The following GNAI1 variants were observed in gnomAD, a reference collection of about 807,000 sequenced individuals.
The protein encoded by GNAI1 is guanine nucleotide-binding protein G(i) subunit alpha-1.
GNAI1 carries 11 observed loss-of-function variants against 38.9 expected under a neutral mutation model. The ratio of observed to expected loss-of-function variants is 0.28; its 90% CI spans 0.18 to 0.47. The LOEUF (loss-of-function observed/expected upper bound fraction) is 0.47. GNAI1 is among the 20% of genes least tolerant of loss of function. The pLI is 0.99. For missense variants in GNAI1, 317 were observed against 436.9 expected (o/e 0.73, Z 2.45); for synonymous variants, 166 against 145.1 (o/e 1.14, Z -1.04).
At chr7:80,192,897 C>T (rs1363953526) in intron 3 of GNAI1, among the ~76,000 whole-genome samples, 1 of 151,988 alleles carries the variant, frequency 6.6e-6, no homozygotes, top group Non-Finnish European at 1.5e-5. Flanking sequence ...CGGGGTTTCA[C>T]CTTGTTGGCC....
At chr7:80,155,743 A>G (rs563818259) in intron 1 of GNAI1, among the ~76,000 whole-genome samples, 32 of 151,814 alleles carry the variant, frequency 2.1e-4, no homozygotes, top group African/African-American at 7.7e-4. Context: ...AAAAAAAAAT[A>G]CAGTGTGTTA....
At chr7:80,196,198 A>G (rs192182408) in intron 3 of GNAI1, among the ~76,000 whole-genome samples, 2 of 152,130 alleles carry the variant, frequency 1.3e-5, no homozygotes, top group African/African-American at 2.4e-5. Flanking sequence ...ATGAACTGGA[A>G]TTTACTTTCT....
At position 80,217,707 on chromosome 7, in the gene GNAI1, A is replaced by G. The variant is rs904237111; in HGVS notation, c.*214A>G. The G allele has an allele frequency of 1.7e-5, 6 of 343,730 alleles. No homozygotes were observed. The highest frequency in any genetic ancestry group is 2.6e-5 in the Non-Finnish European group (5 of 190,634). The allele number at this position is 343,730 out of a possible 1,614,324, so 21.3% of individuals were successfully genotyped here. A position where few individuals can be genotyped will look rare whatever the true frequency, so the allele number is the denominator to read the frequency against. Reference sequence around the variant, plus strand: ...TGGTCCTGCAGTGTGAAACTGAAGGACAGTGTTAAAGCTGGGCTCTAGTAT... The same window carrying G: ...TGGTCCTGCAGTGTGAAACTGAAGGGCAGTGTTAAAGCTGGGCTCTAGTAT... On this transcript the variant is annotated 3_prime_UTR_variant, in exon 8 of 8. Transcript: ENST00000649796.
At chr7:80,153,728 AT>A (rs909652843) in intron 1 of GNAI1, among the ~76,000 whole-genome samples, 4 of 152,110 alleles carry the variant, frequency 2.6e-5, no homozygotes, top group African/African-American at 9.7e-5. Flanking sequence ...GAGAAAATAA[AT>A]TTAGGTAACA....
intron 1 of GNAI1, among the ~76,000 whole-genome samples, chr7:80,168,886 T>C (rs1052438262): frequency 6.6e-6 from 1 of 152,210 alleles, no homozygotes; most frequent in Non-Finnish European, 1.5e-5. Context: ...CTGGTTTGAC[T>C]AAAAATATTT....
chr7:80,158,903 T>C (rs1459977556), intron 1 of GNAI1, among the ~76,000 whole-genome samples: 1 of 152,198 alleles, frequency 6.6e-6, no homozygotes, highest in African/African-American at 2.4e-5. Flanking sequence ...ACAGGAACTC[T>C]TATCATTTTC....
At chr7:80,195,002 T>C (rs1368193466) in intron 3 of GNAI1, among the ~76,000 whole-genome samples, 1 of 152,004 alleles carries the variant, frequency 6.6e-6, no homozygotes, top group Non-Finnish European at 1.5e-5. Flanking sequence ...AATATTGATA[T>C]ATATGTGGCA....
chr7:80,150,276 A>G (rs1787700736), intron 1 of GNAI1, among the ~76,000 whole-genome samples: 1 of 152,212 alleles, frequency 6.6e-6, no homozygotes, highest in African/African-American at 2.4e-5. Flanking sequence ...CTAAATTATT[A>G]ATCATCAAGA....
At chr7:80,179,643 T>C (rs1288888870) in intron 1 of GNAI1, among the ~76,000 whole-genome samples, 2 of 152,156 alleles carry the variant, frequency 1.3e-5, no homozygotes, top group East Asian at 3.9e-4. Context: ...ACGTACAAGC[T>C]AACAATTTAC....
chr7:80,196,619 T>TAATA (rs1788579383), intron 3 of GNAI1, among the ~76,000 whole-genome samples: 1 of 151,966 alleles, frequency 6.6e-6, no homozygotes, highest in Non-Finnish European at 1.5e-5. Flanking sequence ...CATGGAACTT[T>TAATA]AAGTAAGTTG....
chr7:80,203,356 G>C (rs1209813884), intron 4 of GNAI1, among the ~76,000 whole-genome samples: 1 of 151,686 alleles, frequency 6.6e-6, no homozygotes, highest in Non-Finnish European at 1.5e-5. Flanking sequence ...TATCCAAAAG[G>C]TGTGATAAAG....
intron 1 of GNAI1, among the ~76,000 whole-genome samples, chr7:80,184,178 C>T (rs752649013): frequency 3.3e-5 from 5 of 152,034 alleles, no homozygotes; most frequent in Admixed American, 1.3e-4. Context: ...AGAATTCGGC[C>T]GAGGGGCATA....
At position 80,150,572 on chromosome 7, in the gene GNAI1, G is replaced by A. The variant is rs542460705; in HGVS notation, c.118+15294G>A. On this transcript the variant is annotated intron_variant, in intron 1 of 7. Transcript: ENST00000649796. ...GGAGAGGATAAACATCAAATTCAGA[G>A]TGCTGGTTACTTCTGAGGAGGCGGA... 3.9e-5 allele frequency among the ~76,000 whole-genome samples: 6 copies of A among 152,300 alleles called. No homozygotes were observed. In the South Asian group the frequency reaches 1.2e-3, roughly 32 times the overall value.
chr7:80,141,471 A>G (rs1787524343), intron 1 of GNAI1, among the ~76,000 whole-genome samples: 1 of 152,138 alleles, frequency 6.6e-6, no homozygotes, highest in African/African-American at 2.4e-5. Flanking sequence ...ATGGAAAGAA[A>G]AAAGGAGTCT....
chr7:80,171,731 T>G (rs555638516), intron 1 of GNAI1, among the ~76,000 whole-genome samples: 2 of 152,340 alleles, frequency 1.3e-5, no homozygotes, highest in South Asian at 4.1e-4. Context: ...TGTTTTTGAT[T>G]TTAAATTTCA....
At chr7:80,188,905 A>C in intron 1 of GNAI1, 46 bp from the exon 2 acceptor site, 1 of 1,215,990 alleles carries the variant, frequency 8.2e-7, no homozygotes, top group Non-Finnish European at 1.2e-6. Context: ...AATATACTTA[A>C]GTGATTATGA....
At chr7:80,177,945 A>T (rs1215107449) in intron 1 of GNAI1, among the ~76,000 whole-genome samples, 1 of 152,230 alleles carries the variant, frequency 6.6e-6, no homozygotes, top group Non-Finnish European at 1.5e-5. Context: ...AAACCTTCTG[A>T]AAAGGATTAA....
intron 5 of GNAI1, among the ~76,000 whole-genome samples, chr7:80,207,080 T>TA (rs892688480): frequency 7.9e-5 from 12 of 152,072 alleles, no homozygotes; most frequent in African/African-American, 2.9e-4. Flanking sequence ...GTTCCCCTAA[T>TA]AAGTAGTTGG....
At chr7:80,136,046 C>G (rs1401425608) in intron 1 of GNAI1, 1 of 985,314 alleles carries the variant, frequency 1.0e-6, no homozygotes, top group East Asian at 1.1e-4. Context: ...TCCGCTGCCA[C>G]CGTTTCTGAT....
Sources: gnomAD v4.1 joint callset for allele counts (sites outside exome capture counted in the v4.1 genomes callset) on GRCh38, gnomAD v4.1.1 for gene constraint, MANE v1.5 for transcripts, NCBI Gene and HGNC (gene_info 2026-07-23, HGNC 2026-07-21) for gene names.